CTNNA3: variants seen among roughly 807,000 people sequenced by gnomAD.
The protein encoded by CTNNA3 is catenin alpha 3.
A neutral mutation model predicts 95.7 loss-of-function variants in CTNNA3; 76 were observed. The ratio of observed to expected loss-of-function variants is 0.79; its 90% CI spans 0.66 to 0.96. The LOEUF (loss-of-function observed/expected upper bound fraction) is 0.96, where lower values mean the gene tolerates loss of function less well. Ranked by LOEUF, CTNNA3 falls within the 40% of genes least tolerant of loss-of-function variation. The pLI, the probability that CTNNA3 is intolerant of heterozygous loss-of-function variation, is 0.00. For missense variants in CTNNA3, 1,191 were observed against 1,089.8 expected, an observed-to-expected ratio of 1.09 and a Z score of -1.31; for synonymous variants, 431 against 374.4, an observed-to-expected ratio of 1.15 and a Z score of -1.74.
At chr10:67,469,005 A>G (rs777845866) in intron 5 of CTNNA3, among the ~76,000 whole-genome samples, 1 of 152,232 alleles carries the variant, frequency 6.6e-6, no homozygotes, top group Non-Finnish European at 1.5e-5. Flanking sequence ...TTTGAGGCAG[A>G]TGGGTACATC....
Position 66,983,143 on chromosome 10 carries a change from G to T in CTNNA3, c.1047+197174C>A, listed in dbSNP as rs921457869. Reference sequence around the variant, plus strand: ...GTCAGCAGGACTTAAAAACTAATGAGCAAATTTTTTTATTATTATTTTTGA... The same window carrying T: ...GTCAGCAGGACTTAAAAACTAATGATCAAATTTTTTTATTATTATTTTTGA... On this transcript the variant is annotated intron_variant, in intron 7 of 17. Transcript: ENST00000433211. Among the ~76,000 whole-genome samples the T allele has an allele frequency of 5.3e-5, 8 of 152,132 alleles. 1 individual carries two copies. Among genetic ancestry groups the T allele is most frequent in the Admixed American group, 5.2e-4 (8 of 15,266 alleles).
chr10:67,683,140 T>C (rs926555404), intron 1 of CTNNA3, among the ~76,000 whole-genome samples: 3 of 152,238 alleles, frequency 2.0e-5, no homozygotes, highest in Non-Finnish European at 2.9e-5. Flanking sequence ...TAATCCCACA[T>C]TGGGAAAATA....
intron 16 of CTNNA3, among the ~76,000 whole-genome samples, chr10:65,987,778 G>C (rs1428380094): frequency 6.6e-6 from 1 of 152,010 alleles, no homozygotes; most frequent in Non-Finnish European, 1.5e-5. Context: ...CAGTTAGTTA[G>C]AATCAATCTA....
At chr10:66,747,616 C>T (rs1485957091) in intron 9 of CTNNA3, among the ~76,000 whole-genome samples, 1 of 152,158 alleles carries the variant, frequency 6.6e-6, no homozygotes, top group Non-Finnish European at 1.5e-5. Flanking sequence ...CAGAAAATGT[C>T]TAAGACTGAC....
At chr10:66,780,996 T>C (rs1267422153) in intron 7 of CTNNA3, among the ~76,000 whole-genome samples, 2 of 143,126 alleles carry the variant, frequency 1.4e-5, no homozygotes, top group Non-Finnish European at 3.1e-5. Flanking sequence ...CCATTGAAAA[T>C]ATGTCAAAAC....
chr10:66,018,793 T>C (rs963696901), intron 15 of CTNNA3, among the ~76,000 whole-genome samples: 3 of 152,246 alleles, frequency 2.0e-5, no homozygotes, highest in Non-Finnish European at 4.4e-5. Flanking sequence ...ATATCATAAT[T>C]TGAAGCCTTT....
chr10:66,797,967 T>C (rs905489658), intron 7 of CTNNA3, among the ~76,000 whole-genome samples: 2 of 151,908 alleles, frequency 1.3e-5, no homozygotes, highest in Admixed American at 6.6e-5. Flanking sequence ...AATTTCTCCA[T>C]ATATGCATCC....
chr10:66,455,742 G>A (rs141016967), intron 11 of CTNNA3, among the ~76,000 whole-genome samples: 80 of 152,176 alleles, frequency 5.3e-4, no homozygotes, highest in Admixed American at 7.2e-4. Context: ...GTCATTCTGC[G>A]GTACACTGAC....
At chr10:67,298,935 T>C (rs1279756683) in intron 5 of CTNNA3, among the ~76,000 whole-genome samples, 1 of 152,156 alleles carries the variant, frequency 6.6e-6, no homozygotes, top group African/African-American at 2.4e-5. Flanking sequence ...TGCATTTTTT[T>C]TTTTTAGACG....
intron 6 of CTNNA3, among the ~76,000 whole-genome samples, chr10:67,214,781 T>A (rs991476273): frequency 3.9e-5 from 6 of 152,028 alleles, no homozygotes; most frequent in Non-Finnish European, 8.8e-5. Context: ...AACATTCATG[T>A]TTAAGAACTC....
chr10:67,068,922 T>C (rs1406403887), intron 7 of CTNNA3, among the ~76,000 whole-genome samples: 1 of 152,096 alleles, frequency 6.6e-6, no homozygotes, highest in Non-Finnish European at 1.5e-5. Flanking sequence ...TAGCTGGGCC[T>C]GGTGGCAGGT....
chr10:67,096,860 T>C (rs1858023182), intron 7 of CTNNA3, among the ~76,000 whole-genome samples: 1 of 151,906 alleles, frequency 6.6e-6, no homozygotes, highest in Non-Finnish European at 1.5e-5. Context: ...AGATTTTTCC[T>C]GGGAATTCTC....
chr10:67,148,191 A>G (rs1860929442), intron 7 of CTNNA3, among the ~76,000 whole-genome samples: 1 of 152,214 alleles, frequency 6.6e-6, no homozygotes, highest in South Asian at 2.1e-4. Context: ...CATACACACA[A>G]AAACCCAAAA....
chr10:66,630,340 T>A (rs1456607365), intron 9 of CTNNA3, among the ~76,000 whole-genome samples: 1 of 152,152 alleles, frequency 6.6e-6, no homozygotes, highest in African/African-American at 2.4e-5. Context: ...TACAAAGGCT[T>A]AGACAACTGG....
chr10:66,887,282 A>T (rs1453427644), intron 7 of CTNNA3, among the ~76,000 whole-genome samples: 1 of 151,904 alleles, frequency 6.6e-6, no homozygotes, highest in Non-Finnish European at 1.5e-5. Flanking sequence ...ACTTTAAAAC[A>T]AACTGGTATC....
intron 3 of CTNNA3, among the ~76,000 whole-genome samples, chr10:67,564,677 G>GTGTATATATATATA (rs1488656262): frequency 3.3e-5 from 2 of 61,312 alleles, no homozygotes; most frequent in African/African-American, 6.4e-5. Flanking sequence ...GTGTGTGTGT[G>GTGTATATATATATA]TATATATATA....
intron 11 of CTNNA3, among the ~76,000 whole-genome samples, chr10:66,404,457 A>G (rs1564931487): frequency 6.6e-6 from 1 of 152,174 alleles, no homozygotes; most frequent in Non-Finnish European, 1.5e-5. Context: ...GCGCATACTT[A>G]TTGAGATTCT....
chr10:66,875,104 A>G lies in CTNNA3; in HGVS notation c.1048-99580T>C, dbSNP rs369956890. On this transcript the variant is annotated intron_variant, in intron 7 of 17. Transcript: ENST00000433211. ...TGCTAGACAAGTGGTGCTGATGACG[A>G]ATTTGGAAGGTAATAAGGATAGGAA... Among the ~76,000 whole-genome samples, 3 of 152,168 alleles carry G rather than the reference A, an allele frequency of 2.0e-5. No individual in the cohort carries two copies. In the South Asian group the frequency reaches 6.2e-4, roughly 32 times the overall value.
intron 7 of CTNNA3, among the ~76,000 whole-genome samples, chr10:67,091,329 G>A (rs1857620815): frequency 6.6e-6 from 1 of 151,804 alleles, no homozygotes; most frequent in Admixed American, 6.6e-5. Flanking sequence ...TAAAGACAGT[G>A]TGATACATAC....
Sources: allele counts gnomAD v4.1 joint callset (sites outside exome capture counted in the v4.1 genomes callset), GRCh38; gene constraint gnomAD v4.1.1; transcripts MANE v1.5; gene names NCBI Gene and HGNC (gene_info 2026-07-23, HGNC 2026-07-21).